ATG10: variants seen among roughly 807,000 people sequenced by gnomAD.
ATG10 encodes the protein autophagy related 10, also known as ubiquitin-like-conjugating enzyme ATG10.
Under a neutral mutation model 32.1 loss-of-function variants are expected in ATG10, and 30 were observed. That is an observed-to-expected ratio of 0.94 (90% CI 0.70 to 1.27). The LOEUF is 1.27. ATG10 is among the 50% of genes most tolerant of loss of function. ATG10 has a pLI of 0.00. For synonymous variants in ATG10, 87 were observed against 91.5 expected, an observed-to-expected ratio of 0.95 and a Z score of 0.28; for missense variants, 233 against 262.3, an observed-to-expected ratio of 0.89 and a Z score of 0.77.
chr5:82,120,036 G>C (rs568869001), intron 3 of ATG10, among the ~76,000 whole-genome samples: 3 of 151,610 alleles, frequency 2.0e-5, no homozygotes, highest in Non-Finnish European at 4.4e-5. Flanking sequence ...GCACATACCC[G>C]TGAAGATCTG....
chr5:82,146,769 G>T (rs1767376043), intron 3 of ATG10, among the ~76,000 whole-genome samples: 1 of 151,120 alleles, frequency 6.6e-6, no homozygotes. Flanking sequence ...CCATTTTTTT[G>T]TACTTCCTAT....
intron 3 of ATG10, among the ~76,000 whole-genome samples, chr5:82,133,003 T>C (rs1766602800): frequency 6.6e-6 from 1 of 152,198 alleles, no homozygotes; most frequent in Non-Finnish European, 1.5e-5. Flanking sequence ...ATGATGAGCA[T>C]TTTTTCATAT....
chr5:81,974,109 A>T (rs529448954), intron 1 of ATG10, among the ~76,000 whole-genome samples: 1 of 152,240 alleles, frequency 6.6e-6, no homozygotes, highest in African/African-American at 2.4e-5. Context: ...CTTACAGAAG[A>T]TTTCTTAAGA....
chr5:82,003,607 A>G (rs1761909646), intron 2 of ATG10, among the ~76,000 whole-genome samples: 1 of 152,240 alleles, frequency 6.6e-6, no homozygotes, highest in South Asian at 2.1e-4. Flanking sequence ...AAACACATGT[A>G]TCTTAAAAAA....
intron 4 of ATG10, 76 bp downstream of exon 4, chr5:82,164,613 T>C (rs370149015): frequency 3.6e-6 from 5 of 1,386,562 alleles, no homozygotes; most frequent in East Asian, 4.6e-5. Context: ...GGAAAATTAT[T>C]CTCCAGAGGA....
intron 3 of ATG10, among the ~76,000 whole-genome samples, chr5:82,060,817 C>T (rs567064644): frequency 6.6e-6 from 1 of 150,504 alleles, no homozygotes; most frequent in East Asian, 2.0e-4. Flanking sequence ...GCTGAGATTA[C>T]ATCATTGGTG....
rs1581670982 is a variant in ATG10, at chr5:82,082,646, A to G, written c.216+24044A>G. On this transcript the variant is annotated intron_variant, in intron 3 of 7. Coordinates refer to ENST00000282185, the MANE Select transcript of ATG10 (RefSeq NM_031482.5). ...CACTAAAACAAATTCTCAGACATTT[A>G]TCCAACTGTTAGTAATGTTTCTTTT... Among the ~76,000 whole-genome samples, 4 of 152,028 alleles carry G rather than the reference A, an allele frequency of 2.6e-5. No homozygotes were observed. In the South Asian group the frequency reaches 8.3e-4, roughly 31 times the overall value.
chr5:82,225,066 T>C (rs1353949654), intron 5 of ATG10, among the ~76,000 whole-genome samples: 1 of 152,254 alleles, frequency 6.6e-6, no homozygotes, highest in East Asian at 1.9e-4. Flanking sequence ...ATATTTTTGG[T>C]GCTCCTGTTC....
chr5:82,081,693 T>C (rs143238642), intron 3 of ATG10, among the ~76,000 whole-genome samples: 144 of 152,382 alleles, frequency 9.4e-4, no homozygotes, highest in African/African-American at 3.3e-3. Context: ...CAGCCTTACA[T>C]ACCAGGGATG....
chr5:81,987,460 A>T (rs1199380223), intron 1 of ATG10, 99 bp from the exon 2 acceptor site: 6 of 851,192 alleles, frequency 7.0e-6, no homozygotes, highest in Non-Finnish European at 1.1e-5. Context: ...GCCATTCTAC[A>T]TCCCAAATTT....
At chr5:82,153,680 A>G (rs535449932) in intron 3 of ATG10, among the ~76,000 whole-genome samples, 104 of 152,270 alleles carry the variant, frequency 6.8e-4, no homozygotes, top group Non-Finnish European at 1.1e-3. Flanking sequence ...AAAAATTAAA[A>G]TCTCACAAAC....
At chr5:82,070,281 C>T (rs1399285658) in intron 3 of ATG10, among the ~76,000 whole-genome samples, 1 of 152,126 alleles carries the variant, frequency 6.6e-6, no homozygotes, top group East Asian at 1.9e-4. Context: ...TCCAATTGCT[C>T]AACTTTAGCT....
chr5:82,208,140 A>T (rs921209745), intron 5 of ATG10, among the ~76,000 whole-genome samples: 3 of 151,984 alleles, frequency 2.0e-5, no homozygotes, highest in African/African-American at 4.8e-5. Flanking sequence ...ATGTTCTTGG[A>T]TCTGTTTTTG....
At chr5:81,990,985 G>T (rs904427336) in intron 2 of ATG10, among the ~76,000 whole-genome samples, 24 of 152,218 alleles carry the variant, frequency 1.6e-4, no homozygotes, top group Non-Finnish European at 2.9e-4. Flanking sequence ...ATGCCCAATG[G>T]GATGGTCATT....
At chr5:82,137,390 C>T (rs891054623) in intron 3 of ATG10, among the ~76,000 whole-genome samples, 24 of 152,072 alleles carry the variant, frequency 1.6e-4, no homozygotes, top group African/African-American at 5.6e-4. Flanking sequence ...CTTCAAATGT[C>T]GTTTTTGCAT....
At chr5:82,058,087 T>C (rs945062093) in intron 2 of ATG10, among the ~76,000 whole-genome samples, 3 of 152,162 alleles carry the variant, frequency 2.0e-5, no homozygotes, top group Admixed American at 2.0e-4. Context: ...GAGAAAGAAA[T>C]TGAAATGGAA....
chr5:82,060,593 T>C (rs1442342474), intron 3 of ATG10, among the ~76,000 whole-genome samples: 2 of 152,180 alleles, frequency 1.3e-5, no homozygotes, highest in Non-Finnish European at 2.9e-5. Context: ...CCGGGTGCGG[T>C]GGCTCAACGC....
At chr5:82,163,482 C>T (rs1180984265) in intron 3 of ATG10, among the ~76,000 whole-genome samples, 1 of 152,102 alleles carries the variant, frequency 6.6e-6, no homozygotes, top group Non-Finnish European at 1.5e-5. Context: ...GAAATCTTTC[C>T]TTAGTTATTT....
At chr5:82,094,549 G>A (rs1447872726) in intron 3 of ATG10, among the ~76,000 whole-genome samples, 1 of 152,052 alleles carries the variant, frequency 6.6e-6, no homozygotes, top group African/African-American at 2.4e-5. Context: ...TGATGTTGCA[G>A]TTCCAAATCT....
Sources: gnomAD v4.1 joint callset for allele counts (sites outside exome capture counted in the v4.1 genomes callset) on GRCh38, gnomAD v4.1.1 for gene constraint, MANE v1.5 for transcripts, NCBI Gene and HGNC (gene_info 2026-07-23, HGNC 2026-07-21) for gene names.